Variants in C1orf87 observed in about 807,000 individuals in gnomAD.
C1orf87 encodes uncharacterized protein C1orf87.
C1orf87 carries 58 observed loss-of-function variants against 60.5 expected under a neutral mutation model. The observed-to-expected ratio is 0.96, with a 90% CI of 0.78 to 1.19. C1orf87 has a LOEUF of 1.19. Among genes scored for constraint, C1orf87 ranks in the 50% most tolerant of loss-of-function variants. C1orf87 has a pLI of 0.00. For synonymous variants in C1orf87, 236 were observed against 227.4 expected (o/e 1.04, Z -0.34); for missense variants, 673 against 638.6 (o/e 1.05, Z -0.58).
At chr1:60,043,069 A>G (rs775243513) in intron 3 of C1orf87, among the ~76,000 whole-genome samples, 1 of 152,220 alleles carries the variant, frequency 6.6e-6, no homozygotes, top group African/African-American at 2.4e-5. Flanking sequence ...TGAACTGGAT[A>G]TAGAAAACCT....
intron 3 of C1orf87, among the ~76,000 whole-genome samples, chr1:60,046,140 C>T (rs965767826): frequency 4.8e-5 from 7 of 145,194 alleles, no homozygotes; most frequent in Admixed American, 3.5e-4. Context: ...TTTAAAATTC[C>T]TTCCTTCCTT....
chr1:60,046,443 C>CTT (rs36104052), intron 3 of C1orf87, among the ~76,000 whole-genome samples: 6 of 106,992 alleles, frequency 5.6e-5, no homozygotes, highest in African/African-American at 1.1e-4. Context: ...CCTTCTTCTT[C>CTT]TTTTTTTTTT....
chr1:60,009,375 C>A (rs950882339), intron 9 of C1orf87, among the ~76,000 whole-genome samples: 1 of 151,978 alleles, frequency 6.6e-6, no homozygotes, highest in African/African-American at 2.4e-5. Context: ...TCTGGCCATG[C>A]GTACACCTTG....
chr1:60,051,269 G>A (rs781703796), intron 3 of C1orf87, among the ~76,000 whole-genome samples: 3 of 152,118 alleles, frequency 2.0e-5, no homozygotes, highest in Non-Finnish European at 4.4e-5. Flanking sequence ...TTAAGCAGAG[G>A]CTATATCTGA....
At chr1:60,067,569 T>G (rs1463700086) in intron 2 of C1orf87, among the ~76,000 whole-genome samples, 1 of 149,974 alleles carries the variant, frequency 6.7e-6, no homozygotes, top group African/African-American at 2.5e-5. Context: ...GGTTTTTTTT[T>G]TTTTTTTTTT....
chr1:60,017,066 G>T lies in C1orf87; in HGVS notation c.1128-6610C>A, dbSNP rs185809864. 3.3e-5 allele frequency among the ~76,000 whole-genome samples: 5 copies of T among 152,324 alleles called. No individual in the cohort carries two copies. The East Asian group carries it at 9.6e-4, about 29-fold the overall frequency. On this transcript the variant is annotated intron_variant, in intron 8 of 11. Coordinates refer to ENST00000371201, the MANE Select transcript of C1orf87 (RefSeq NM_152377.3). Reference sequence around the variant, plus strand: ...TTATTGACGAATTCATTTATTAGTTGTGTATTGGTTTTAGCCTCTCTGTGC... The same window carrying T: ...TTATTGACGAATTCATTTATTAGTTTTGTATTGGTTTTAGCCTCTCTGTGC...
chr1:60,005,164 A>G (rs972066938), intron 9 of C1orf87, among the ~76,000 whole-genome samples: 3 of 152,114 alleles, frequency 2.0e-5, no homozygotes, highest in African/African-American at 7.2e-5. Context: ...AGACATTTCC[A>G]CATCATCTAA....
chr1:60,072,753 A>C (rs906327619), intron 1 of C1orf87, 83 bp from the exon 2 acceptor site: 2 of 679,370 alleles, frequency 2.9e-6, no homozygotes, highest in Non-Finnish European at 5.0e-6. Flanking sequence ...ACAAGCAATA[A>C]TAATAGCAGG....
At chr1:60,066,868 T>C (rs530231082) in intron 2 of C1orf87, among the ~76,000 whole-genome samples, 116 of 152,010 alleles carry the variant, frequency 7.6e-4, no homozygotes, top group Non-Finnish European at 1.4e-3. Context: ...GTGATGTTCC[T>C]CTCCCTGTGT....
chr1:60,004,155 G>C (rs1253572401), intron 9 of C1orf87, among the ~76,000 whole-genome samples: 1 of 152,012 alleles, frequency 6.6e-6, no homozygotes, highest in African/African-American at 2.4e-5. Context: ...GCAGTACGTG[G>C]GGAAAGGGGA....
intron 2 of C1orf87, among the ~76,000 whole-genome samples, chr1:60,071,972 T>C (rs996761166): frequency 6.6e-6 from 1 of 152,182 alleles, no homozygotes; most frequent in African/African-American, 2.4e-5. Flanking sequence ...AGTCATACTG[T>C]TCTGTGCTGA....
intron 7 of C1orf87, among the ~76,000 whole-genome samples, chr1:60,027,396 T>C (rs1166274241): frequency 6.6e-6 from 1 of 152,174 alleles, no homozygotes; most frequent in Admixed American, 6.5e-5. Context: ...AAAAATCTCA[T>C]GCCCACATTC....
intron 3 of C1orf87, among the ~76,000 whole-genome samples, chr1:60,052,466 C>A (rs962683027): frequency 6.6e-5 from 10 of 152,292 alleles, no homozygotes; most frequent in Admixed American, 2.0e-4. Flanking sequence ...TCCTCTCATT[C>A]TTCCTTTGTG....
At chr1:60,015,862 G>A (rs113323257) in intron 8 of C1orf87, among the ~76,000 whole-genome samples, 9,085 of 152,120 alleles carry the variant, frequency 0.06, 340 homozygotes, top group Middle Eastern at 0.17. Context: ...AGTGATTCTC[G>A]TGCTTCAGCC....
intron 7 of C1orf87, among the ~76,000 whole-genome samples, chr1:60,026,143 C>A (rs1307360231): frequency 6.6e-6 from 1 of 152,110 alleles, no homozygotes. Flanking sequence ...GGGTAAGTGA[C>A]ACTTAGATTC....
intron 8 of C1orf87, among the ~76,000 whole-genome samples, chr1:60,019,695 G>A (rs898851165): frequency 1.3e-5 from 2 of 152,138 alleles, no homozygotes; most frequent in Non-Finnish European, 2.9e-5. Flanking sequence ...ATGAAAATGA[G>A]GAACTTTTTG....
At chr1:60,020,190 A>G (rs527554513) in intron 8 of C1orf87, among the ~76,000 whole-genome samples, 1 of 152,280 alleles carries the variant, frequency 6.6e-6, no homozygotes, top group East Asian at 1.9e-4. Context: ...GCTGGGCTTG[A>G]GGCTCTGTGC....
intron 9 of C1orf87, among the ~76,000 whole-genome samples, chr1:60,002,537 T>C (rs1398119062): frequency 1.3e-5 from 2 of 152,110 alleles, no homozygotes; most frequent in Non-Finnish European, 2.9e-5. Context: ...TATTAACCCT[T>C]TGTCAGAGGA....
At chr1:59,998,684 G>A (rs1367619982) in intron 10 of C1orf87, among the ~76,000 whole-genome samples, 1 of 152,100 alleles carries the variant, frequency 6.6e-6, no homozygotes, top group Non-Finnish European at 1.5e-5. Flanking sequence ...CATTGTCCAG[G>A]AATTTTGGTA....
Sources: allele counts gnomAD v4.1 joint callset (sites outside exome capture counted in the v4.1 genomes callset), GRCh38; gene constraint gnomAD v4.1.1; transcripts MANE v1.5; gene names NCBI Gene and HGNC (gene_info 2026-07-23, HGNC 2026-07-21).